The following CSNK1G2 variants were observed in gnomAD, a reference collection of about 807,000 sequenced individuals.
The protein encoded by CSNK1G2 is casein kinase I isoform gamma-2.
In CSNK1G2, 11 loss-of-function variants were observed where a neutral mutation model predicts 48.0. The observed-to-expected ratio is 0.23, with a 90% confidence interval of 0.14 to 0.38. The LOEUF (loss-of-function observed/expected upper bound fraction) is 0.38, where lower values mean the gene tolerates loss of function less well. Ranked by LOEUF, CSNK1G2 falls within the 10% of genes least tolerant of loss-of-function variation. CSNK1G2 has a pLI of 1.00. For synonymous variants in CSNK1G2, 337 were observed against 254.1 expected (o/e 1.33, Z -3.10); for missense variants, 446 against 595.5 (o/e 0.75, Z 2.61).
chr19:1,973,944 G>C (rs2015663593), intron 2 of CSNK1G2, among the ~76,000 whole-genome samples: 1 of 152,048 alleles, frequency 6.6e-6, no homozygotes, highest in South Asian at 2.1e-4. Flanking sequence ...CTGGAGTGCA[G>C]TGGTACTATC....
intron 1 of CSNK1G2, among the ~76,000 whole-genome samples, chr19:1,942,139 C>T (rs2014389923): frequency 6.6e-6 from 1 of 152,168 alleles, no homozygotes; most frequent in South Asian, 2.1e-4. Flanking sequence ...GGCTCGCTGC[C>T]CCCTCCCCCT....
Position 1,970,443 on chromosome 19 carries a change from G to A in CSNK1G2, c.187+484G>A, listed in dbSNP as rs374936272. On this transcript the variant is annotated intron_variant, in intron 2 of 11. Coordinates refer to ENST00000255641, the MANE Select transcript of CSNK1G2 (RefSeq NM_001319.7). ...TCCCAGCTTCACCATGTAAAAGGCC[G>A]CACCTGGCCCACCTGGCTCCGTCCC... 5.9e-5 allele frequency among the ~76,000 whole-genome samples: 9 copies of A among 152,346 alleles called. No homozygotes were observed. The East Asian group carries it at 1.5e-3, about 26-fold the overall frequency.
In CSNK1G2 at chr19:1,964,839, C is replaced by T. The variant is rs903232496; in HGVS notation, c.-265-4669C>T. On this transcript the variant is annotated intron_variant, in intron 1 of 11. Transcript: ENST00000255641. ...CTCCCGGGTTCACCCCATTCTCCTG[C>T]CTCAGCTTCCCGAGTAGCTGGGACT... Among the ~76,000 whole-genome samples, 6 of 151,704 alleles carry T rather than the reference C, an allele frequency of 4.0e-5. No homozygotes were observed. The East Asian group carries it at 7.8e-4, about 20-fold the overall frequency.
At chr19:1,962,155 C>A (rs965920934) in intron 1 of CSNK1G2, among the ~76,000 whole-genome samples, 1 of 151,612 alleles carries the variant, frequency 6.6e-6, no homozygotes, top group African/African-American at 2.4e-5. Flanking sequence ...GATGGTGAAA[C>A]CCCGTGTCTG....
chr19:1,964,168 C>T (rs1043578822), intron 1 of CSNK1G2, among the ~76,000 whole-genome samples: 7 of 151,878 alleles, frequency 4.6e-5, no homozygotes, highest in African/African-American at 1.7e-4. Context: ...TGATGTGTGC[C>T]TGTAGTTCCA....
rs530778199 is a variant in CSNK1G2 at position 1,970,643 on chromosome 19, CTG to C, written c.187+687_187+688del. On this transcript the variant is annotated intron_variant, in intron 2 of 11. Transcript: ENST00000255641. ...GAGCACCTTTGGGGCCGTTCCCAGT[CTG>C]TGATTAGCTGGGCCAGGGAGCTGAA... 3.8e-3 allele frequency among the ~76,000 whole-genome samples: 582 copies of C among 152,306 alleles called. 1 individual carries two copies. Among genetic ancestry groups the C allele is most frequent in the Middle Eastern group, 0.02 (6 of 294 alleles).
At chr19:1,976,953 G>C (rs1472003277) in intron 2 of CSNK1G2, among the ~76,000 whole-genome samples, 1 of 152,074 alleles carries the variant, frequency 6.6e-6, no homozygotes, top group Non-Finnish European at 1.5e-5. Flanking sequence ...TTGTCAGGCT[G>C]GTCTCGAACT....
chr19:1,952,809 G>A (rs74415283), intron 1 of CSNK1G2: 7,983 of 328,022 alleles, frequency 0.024, 151 homozygotes, highest in Non-Finnish European at 0.036. Context: ...AAGCCCTCTC[G>A]CCTAGGGCTC....
In CSNK1G2 at chr19:1,979,802, C is replaced by A; in HGVS notation, c.1053C>A (p.Leu351=). Residue 351 remains leucine, a synonymous_variant, in exon 10 of 12, where the codon CTC becomes CTA. Coordinates refer to ENST00000255641, the MANE Select transcript of CSNK1G2 (RefSeq NM_001319.7). ...CCGACCTGCCCTCCCAGCCTCAGCT[C>A]CGGGACAAAACCCAGCCGCACAGCA... ...VHTDLPSQPQ[L]RDKTQPHSKN... 1 of 1,607,572 alleles carries A rather than the reference C, an allele frequency of 6.2e-7. No homozygotes were observed. Among genetic ancestry groups the A allele is most frequent in the East Asian group, 2.2e-5 (1 of 44,662 alleles).
chr19:1,944,968 A>C (rs546221792), intron 1 of CSNK1G2, among the ~76,000 whole-genome samples: 1 of 152,272 alleles, frequency 6.6e-6, no homozygotes, highest in East Asian at 1.9e-4. Flanking sequence ...ACCCACATCA[A>C]CTTGTCACCA....
At chr19:1,967,733 TTCCTCCC>T (rs1223470811) in intron 1 of CSNK1G2, among the ~76,000 whole-genome samples, 679 of 39,516 alleles carry the variant, frequency 0.017, no homozygotes, top group Middle Eastern at 0.088. Flanking sequence ...GGGCTCCTCC[TTCCTCCC>T]TCCTCCCCAG....
In CSNK1G2 at chr19:1,980,484, C is replaced by T. The variant is rs558871704; in HGVS notation, c.*281C>T. ...AACAAGGAAAAGAGGAAAAAAAAAA[C>T]AGAGGCCCGCCCTACCCCACTCCTG... On this transcript the variant is annotated 3_prime_UTR_variant, in exon 12 of 12. Coordinates refer to ENST00000255641, the MANE Select transcript of CSNK1G2 (RefSeq NM_001319.7). The T allele has an allele frequency of 1.4e-4, 71 of 491,760 alleles. 1 individual carries two copies. In the South Asian group the frequency reaches 1.5e-3, roughly 11 times the overall value. The allele number at this position is 491,760 out of a possible 1,614,324, so 30.5% of individuals were successfully genotyped here. A position where few individuals can be genotyped will look rare whatever the true frequency, so the allele number is the denominator to read the frequency against.
rs770631132 is a variant in CSNK1G2, at chr19:1,957,993, C to T, written c.-265-11515C>T. ...TGTGCAGGGAGGGGTTGGAGGTGTG[C>T]GCTTGTCTTGTCCGGAAGCCGGGTG... On this transcript the variant is annotated intron_variant, in intron 1 of 11. Transcript: ENST00000255641. This position sits in a 1 kb window ranked among gnomAD's most constrained non-coding sequence, Gnocchi z 5.4. Among the ~76,000 whole-genome samples, 7 of 152,078 alleles carry T rather than the reference C, an allele frequency of 4.6e-5. No homozygotes were observed. Among genetic ancestry groups the T allele is most frequent in the Non-Finnish European group, 8.8e-5 (6 of 67,996 alleles).
At chr19:1,953,795 T>G (rs769827427) in intron 1 of CSNK1G2, 1 of 501,674 alleles carries the variant, frequency 2.0e-6, no homozygotes, top group South Asian at 1.5e-5. Flanking sequence ...CAGGGTCCGG[T>G]CCTGGCCGCT....
intron 1 of CSNK1G2, among the ~76,000 whole-genome samples, chr19:1,960,847 C>A (rs1161483501): frequency 1.3e-5 from 2 of 152,214 alleles, no homozygotes; most frequent in Non-Finnish European, 2.9e-5. Context: ...CGAGATCGCA[C>A]CACTACACTC....
Position 1,948,234 on chromosome 19 carries a change from A to ACGATCCCGG in CSNK1G2, c.-266+6818_-266+6826dup, listed in dbSNP as rs567804470. The stretch of plus-strand genomic sequence containing the variant: ...GGGCTCACAGCGTTTCTTAAAATTA[A>ACGATCCCGG]CGATCCCGGCCGGGCGTGGTGGCTC... On this transcript the variant is annotated intron_variant, in intron 1 of 11. Transcript: ENST00000255641. Among the ~76,000 whole-genome samples, 14 of 152,280 alleles carry ACGATCCCGG rather than the reference A, an allele frequency of 9.2e-5. No individual in the cohort carries two copies. In the South Asian group the frequency reaches 2.3e-3, roughly 25 times the overall value.
At chr19:1,972,688 T>A (rs2015612459) in intron 2 of CSNK1G2, among the ~76,000 whole-genome samples, 1 of 152,062 alleles carries the variant, frequency 6.6e-6, no homozygotes, top group African/African-American at 2.4e-5. Context: ...AGTGGCACCA[T>A]CTCGGCTCAC....
chr19:1,973,837 A>G lies in CSNK1G2; in HGVS notation c.187+3878A>G, dbSNP rs139826476. On this transcript the variant is annotated intron_variant, in intron 2 of 11. Transcript: ENST00000255641. ...ACATGTTTGTGCTGTTTCTTAGTCC[A>G]TTTTGTGCTGCTGTAACAGAATGCC... 4.5e-3 allele frequency among the ~76,000 whole-genome samples: 686 copies of G among 152,006 alleles called. 8 individuals carry two copies. Among genetic ancestry groups the G allele is most frequent in the African/African-American group, 0.016 (644 of 41,444 alleles).
At chr19:1,962,333 A>C (rs2015225679) in intron 1 of CSNK1G2, among the ~76,000 whole-genome samples, 2 of 151,412 alleles carry the variant, frequency 1.3e-5, no homozygotes, top group South Asian at 4.2e-4. Flanking sequence ...TCTGTCAACA[A>C]CAACAACAAA....
Sources: gnomAD v4.1 joint callset for allele counts (sites outside exome capture counted in the v4.1 genomes callset) on GRCh38, gnomAD v4.1.1 for gene constraint, Gnocchi (gnomAD v3.1) non-coding constraint, MANE v1.5 for transcripts, NCBI Gene and HGNC (gene_info 2026-07-23, HGNC 2026-07-21) for gene names.